Variants in PPFIBP1 observed in about 807,000 individuals in gnomAD.
The protein encoded by PPFIBP1 is PPFIB scaffold protein 1, also known as liprin-beta-1.
A neutral mutation model predicts 137.8 loss-of-function variants in PPFIBP1; 112 were observed. The ratio of observed to expected loss-of-function variants is 0.81; its 90% CI spans 0.70 to 0.95. PPFIBP1 has a LOEUF of 0.95. Ranked by LOEUF, PPFIBP1 falls within the 40% of genes least tolerant of loss-of-function variation. The pLI, the probability that PPFIBP1 is intolerant of heterozygous loss-of-function variation, is 0.00. For synonymous variants in PPFIBP1, 378 were observed against 417.3 expected (o/e 0.91, Z 1.15); for missense variants, 1,083 against 1,196.6 (o/e 0.91, Z 1.40).
intron 1 of PPFIBP1, among the ~76,000 whole-genome samples, chr12:27,559,655 G>A (rs1346960780): frequency 1.3e-5 from 2 of 152,162 alleles, no homozygotes; most frequent in Non-Finnish European, 2.9e-5. Flanking sequence ...CAATAACACA[G>A]TACCAAAACT....
intron 1 of PPFIBP1, among the ~76,000 whole-genome samples, chr12:27,565,818 C>G (rs377194533): frequency 6.6e-6 from 1 of 152,140 alleles, no homozygotes; most frequent in African/African-American, 2.4e-5. Context: ...TGTACTAACC[C>G]GAATTTTCCT....
At chr12:27,642,038 G>A (rs377028939) in intron 4 of PPFIBP1, among the ~76,000 whole-genome samples, 2 of 152,332 alleles carry the variant, frequency 1.3e-5, no homozygotes, top group Admixed American at 6.5e-5. Flanking sequence ...CTAATGTTAT[G>A]TGTAGCACCT....
chr12:27,529,587 A>G (rs781601238), intron 1 of PPFIBP1, among the ~76,000 whole-genome samples: 3 of 152,212 alleles, frequency 2.0e-5, no homozygotes, highest in Non-Finnish European at 2.9e-5. Context: ...CCAGCTACTC[A>G]GGAGGCTGAG....
At chr12:27,623,149 G>T (rs1258172030) in intron 2 of PPFIBP1, among the ~76,000 whole-genome samples, 1 of 152,082 alleles carries the variant, frequency 6.6e-6, no homozygotes, top group Non-Finnish European at 1.5e-5. Context: ...GAGTCTCCAG[G>T]TTTTAAAGAG....
At chr12:27,570,602 T>C (rs549452594) in intron 1 of PPFIBP1, among the ~76,000 whole-genome samples, 2 of 152,256 alleles carry the variant, frequency 1.3e-5, no homozygotes, top group Admixed American at 6.5e-5. Flanking sequence ...TGTCATATGA[T>C]AGCATACCTC....
Position 27,634,994 on chromosome 12 carries a change from A to G in PPFIBP1, c.149A>G (p.His50Arg), listed in dbSNP as rs767504508. ...SPFMGSLRAL[H>R]LVEDLRGLLE... Reference sequence around the variant, plus strand: ...TTCATGGGAAGTTTGCGAGCTCTGCACCTTGTGGAAGACCTGCGTGGATTG... The same window carrying G: ...TTCATGGGAAGTTTGCGAGCTCTGCGCCTTGTGGAAGACCTGCGTGGATTG... Residue 50 changes from histidine (H) to arginine (R), a missense_variant, in exon 4 of 30, where the codon CAC becomes CGC. Physicochemically the swap from His to Arg is conservative, Grantham distance 29 (BLOSUM62 0). Transcript: ENST00000228425. The G allele has an allele frequency of 1.9e-6, 3 of 1,614,162 alleles. No homozygotes were observed. The highest frequency in any genetic ancestry group is 1.7e-4 in the Middle Eastern group (1 of 6,060).
rs1176361879 is a variant in PPFIBP1 at position 27,578,151 on chromosome 12, G to A, written c.-123-1G>A. The A allele has an allele frequency of 6.6e-6, 1 of 152,030 alleles. No homozygotes were observed. Among genetic ancestry groups the A allele is most frequent in the Non-Finnish European group, 1.5e-5 (1 of 68,000 alleles). 9.4% of individuals were successfully genotyped at this position (152,030 alleles called of 1,614,324 possible). A position where few individuals can be genotyped will look rare whatever the true frequency, so the allele number is the denominator to read the frequency against. On this transcript the variant is annotated splice_acceptor_variant, in intron 1 of 29. Transcript: ENST00000228425. LOFTEE classifies it low-confidence loss of function (5UTR_SPLICE). ...TCGTTTTTGTATTTGTTTCTTTTCA[G>A]TATAAAAGAACGTGTGGATCACTTT...
At chr12:27,682,774 G>A in intron 24 of PPFIBP1, 71 bp downstream of exon 24, 5 of 1,606,178 alleles carry the variant, frequency 3.1e-6, no homozygotes, top group Non-Finnish European at 3.4e-6. Context: ...AATTGAGTAA[G>A]CCAAACACAG....
intron 2 of PPFIBP1, among the ~76,000 whole-genome samples, chr12:27,596,921 A>G (rs2053377717): frequency 6.6e-6 from 1 of 152,208 alleles, no homozygotes; most frequent in South Asian, 2.1e-4. Flanking sequence ...GTCTGGCTTC[A>G]GAGCCCATAT....
chr12:27,581,075 T>G (rs1440976207), intron 2 of PPFIBP1, among the ~76,000 whole-genome samples: 1 of 152,080 alleles, frequency 6.6e-6, no homozygotes, highest in Non-Finnish European at 1.5e-5. Context: ...TTAAATTTTT[T>G]GTGGAGACAG....
At chr12:27,528,251 G>A (rs1944006032) in intron 1 of PPFIBP1, among the ~76,000 whole-genome samples, 1 of 152,216 alleles carries the variant, frequency 6.6e-6, no homozygotes, top group Middle Eastern at 3.4e-3. Flanking sequence ...GCCTGGTTAT[G>A]CAGGGTATTC....
chr12:27,537,662 A>G (rs1396123053), intron 1 of PPFIBP1, among the ~76,000 whole-genome samples: 1 of 152,020 alleles, frequency 6.6e-6, no homozygotes, highest in Non-Finnish European at 1.5e-5. Context: ...GGGTTTACTT[A>G]CTGAAATTCA....
chr12:27,569,398 G>C (rs959024258), intron 1 of PPFIBP1, among the ~76,000 whole-genome samples: 1 of 152,136 alleles, frequency 6.6e-6, no homozygotes, highest in African/African-American at 2.4e-5. Flanking sequence ...TACATAAATA[G>C]TTGGATGGCT....
At chr12:27,594,119 C>T in intron 2 of PPFIBP1, 1 of 803,926 alleles carries the variant, frequency 1.2e-6, no homozygotes, top group Non-Finnish European at 1.7e-6. Context: ...GTAGGTGGGA[C>T]CGGGGAGAAG....
At chr12:27,676,723 C>A in intron 18 of PPFIBP1, 124 bp downstream of exon 18, 2 of 1,091,596 alleles carry the variant, frequency 1.8e-6, no homozygotes, top group Non-Finnish European at 2.6e-6. Context: ...AGGTGAATGA[C>A]TTAGGGGAAT....
At chr12:27,601,335 T>A (rs1592764538) in intron 2 of PPFIBP1, among the ~76,000 whole-genome samples, 1 of 152,182 alleles carries the variant, frequency 6.6e-6, no homozygotes, top group African/African-American at 2.4e-5. Flanking sequence ...ATAACGATTA[T>A]TTTTAGGGGC....
intron 1 of PPFIBP1, among the ~76,000 whole-genome samples, chr12:27,568,801 G>T (rs2049902082): frequency 6.6e-6 from 1 of 152,128 alleles, no homozygotes; most frequent in South Asian, 2.1e-4. Context: ...AATGAACCCA[G>T]GGATTTTTAC....
chr12:27,687,375 T>C lies in PPFIBP1; in HGVS notation c.2248-10T>C, dbSNP rs1470065077. ...GCACAGTGAGCTCCTCCTTTTGTTC[T>C]TTTTTGCAGGATGACTTACTGTCTC... On this transcript the variant is annotated splice_polypyrimidine_tract_variant and intron_variant, in intron 24 of 29. Coordinates refer to ENST00000228425, the MANE Select transcript of PPFIBP1 (RefSeq NM_003622.4). 6.2e-7 allele frequency: 1 copy of C among 1,612,454 alleles called. No homozygotes were observed. Among genetic ancestry groups the C allele is most frequent in the Non-Finnish European group, 8.5e-7 (1 of 1,178,992 alleles).
chr12:27,563,572 C>T (rs543868335), intron 1 of PPFIBP1, among the ~76,000 whole-genome samples: 2 of 151,944 alleles, frequency 1.3e-5, no homozygotes, highest in South Asian at 4.2e-4. Flanking sequence ...CTCCACCTGC[C>T]ATTGCCGACT....
Sources: gnomAD v4.1 joint callset for allele counts (sites outside exome capture counted in the v4.1 genomes callset) on GRCh38, gnomAD v4.1.1 for gene constraint, MANE v1.5 for transcripts, NCBI Gene and HGNC (gene_info 2026-07-23, HGNC 2026-07-21) for gene names.